Variants in WASF1 observed in about 807,000 individuals in gnomAD.
WASF1 encodes actin-binding protein WASF1.
In WASF1, 7 loss-of-function variants were observed where a neutral mutation model predicts 50.5. The ratio of observed to expected loss-of-function variants is 0.14; its 90% CI spans 0.08 to 0.26. The LOEUF is 0.26. Among genes scored for constraint, WASF1 ranks in the 10% least tolerant of loss-of-function variants. The probability of loss-of-function intolerance (pLI) is 1.00; values close to 1 mark genes in which losing one functional copy is unlikely to be tolerated. For missense variants in WASF1, 470 were observed against 694.7 expected (o/e 0.68, Z 3.64); for synonymous variants, 205 against 244.0 (o/e 0.84, Z 1.49).
intron 2 of WASF1, among the ~76,000 whole-genome samples, chr6:110,164,100 A>C (rs948424710): frequency 1.3e-5 from 2 of 151,526 alleles, no homozygotes; most frequent in Admixed American, 6.6e-5. Context: ...AAACTATAAA[A>C]CTCCTAGAAG....
At chr6:110,150,210 A>G (rs1025311161) in intron 3 of WASF1, among the ~76,000 whole-genome samples, 1 of 152,220 alleles carries the variant, frequency 6.6e-6, no homozygotes, top group African/African-American at 2.4e-5. Context: ...GGAATAGAAA[A>G]GAAGTAAAAT....
At chr6:110,175,143 A>G (rs1007441464) in intron 2 of WASF1, among the ~76,000 whole-genome samples, 1 of 152,124 alleles carries the variant, frequency 6.6e-6, no homozygotes, top group Non-Finnish European at 1.5e-5. Flanking sequence ...CCATCTTTAT[A>G]TCTTCATACT....
chr6:110,141,273 C>T (rs1402497565), intron 3 of WASF1, among the ~76,000 whole-genome samples: 1 of 152,202 alleles, frequency 6.6e-6, no homozygotes, highest in East Asian at 1.9e-4. Context: ...CTTCTACCCT[C>T]ATTTCTCACT....
chr6:110,172,554 G>A (rs1473796390), intron 2 of WASF1, among the ~76,000 whole-genome samples: 1 of 151,944 alleles, frequency 6.6e-6, no homozygotes, highest in African/African-American at 2.4e-5. Flanking sequence ...TCCATCAATG[G>A]ATAATTAAAG....
intron 3 of WASF1, among the ~76,000 whole-genome samples, chr6:110,144,052 T>C (rs1775407138): frequency 6.6e-6 from 1 of 152,150 alleles, no homozygotes; most frequent in Non-Finnish European, 1.5e-5. Context: ...ACTTCCACAA[T>C]GGTTGAACTA....
intron 3 of WASF1, among the ~76,000 whole-genome samples, chr6:110,131,022 T>C (rs188904886): frequency 7.2e-5 from 11 of 152,364 alleles, no homozygotes; most frequent in Admixed American, 5.9e-4. Flanking sequence ...TTGTCCATTT[T>C]TGGCCATTTG....
intron 4 of WASF1, among the ~76,000 whole-genome samples, chr6:110,120,510 C>T (rs1257362964): frequency 6.6e-6 from 1 of 152,132 alleles, no homozygotes; most frequent in African/African-American, 2.4e-5. Flanking sequence ...AGGAGAACTA[C>T]AAACCACTGC....
chr6:110,147,171 C>A (rs1474571429), intron 3 of WASF1, among the ~76,000 whole-genome samples: 2 of 152,050 alleles, frequency 1.3e-5, no homozygotes, highest in East Asian at 3.9e-4. Context: ...CACGGTGAAA[C>A]CCCATCTCTA....
intron 2 of WASF1, among the ~76,000 whole-genome samples, chr6:110,168,909 C>T (rs1776582053): frequency 6.6e-6 from 1 of 152,046 alleles, no homozygotes; most frequent in African/African-American, 2.4e-5. Flanking sequence ...CTTTCAAAAC[C>T]ATCAACACAC....
At chr6:110,134,591 A>T (rs1774861040) in intron 3 of WASF1, among the ~76,000 whole-genome samples, 1 of 151,418 alleles carries the variant, frequency 6.6e-6, no homozygotes, top group Non-Finnish European at 1.5e-5. Context: ...CGCCTGGCTA[A>T]TTTTTTTTAT....
chr6:110,129,526 T>C (rs1045873287), intron 3 of WASF1, among the ~76,000 whole-genome samples: 1 of 152,154 alleles, frequency 6.6e-6, no homozygotes, highest in African/African-American at 2.4e-5. Context: ...GAAGTGACAC[T>C]AGCAAAAAAA....
At chr6:110,174,806 T>C (rs1000354611) in intron 2 of WASF1, among the ~76,000 whole-genome samples, 3 of 152,142 alleles carry the variant, frequency 2.0e-5, no homozygotes, top group Non-Finnish European at 4.4e-5. Flanking sequence ...CTCCAATGCA[T>C]ATGACAAAAA....
chr6:110,158,826 C>G (rs1284429543), intron 3 of WASF1, among the ~76,000 whole-genome samples: 1 of 151,944 alleles, frequency 6.6e-6, no homozygotes, highest in Non-Finnish European at 1.5e-5. Context: ...CTAGCTCAAT[C>G]CAATTAATCC....
intron 4 of WASF1, among the ~76,000 whole-genome samples, chr6:110,122,166 A>C (rs1420815634): frequency 6.6e-6 from 1 of 151,700 alleles, no homozygotes; most frequent in East Asian, 1.9e-4. Context: ...CACATGTACC[A>C]TAGAACTTAA....
chr6:110,174,541 G>A (rs1776846859), intron 2 of WASF1, among the ~76,000 whole-genome samples: 1 of 152,144 alleles, frequency 6.6e-6, no homozygotes, highest in Non-Finnish European at 1.5e-5. Context: ...TCAGTAAAAG[G>A]GGAGATAAAG....
chr6:110,176,704 C>T (rs1289618210), intron 2 of WASF1, among the ~76,000 whole-genome samples: 1 of 151,992 alleles, frequency 6.6e-6, no homozygotes, highest in Non-Finnish European at 1.5e-5. Context: ...GGATTTATGA[C>T]AATAAGCTGC....
At chr6:110,173,218 G>A (rs1776789897) in intron 2 of WASF1, among the ~76,000 whole-genome samples, 2 of 152,042 alleles carry the variant, frequency 1.3e-5, no homozygotes, top group South Asian at 4.1e-4. Flanking sequence ...TTTCAAATAA[G>A]TTAGTCAATG....
intron 6 of WASF1, among the ~76,000 whole-genome samples, chr6:110,108,137 C>CAAAA (rs369773397): frequency 3.7e-3 from 185 of 49,560 alleles, no homozygotes; most frequent in East Asian, 0.011. Flanking sequence ...GACTCCGCCT[C>CAAAA]AAAAAAAAAA....
chr6:110,127,828 C>T (rs1384698239), intron 3 of WASF1, among the ~76,000 whole-genome samples, 199 bp from the exon 4 acceptor site: 1 of 152,124 alleles, frequency 6.6e-6, no homozygotes, highest in East Asian at 1.9e-4. Flanking sequence ...TCCTCCTCAG[C>T]CTACTCAAGG....
Sources: allele counts gnomAD v4.1 joint callset (sites outside exome capture counted in the v4.1 genomes callset), GRCh38; gene constraint gnomAD v4.1.1; transcripts MANE v1.5; gene names NCBI Gene and HGNC (gene_info 2026-07-23, HGNC 2026-07-21).